Variants in ZDHHC20 observed in about 807,000 individuals in gnomAD.
ZDHHC20 encodes palmitoyltransferase ZDHHC20.
In ZDHHC20, 43 loss-of-function variants were observed where a neutral mutation model predicts 57.8. The observed-to-expected ratio is 0.74, with a 90% confidence interval of 0.58 to 0.96. The LOEUF is 0.96. ZDHHC20 is among the 40% of genes least tolerant of loss of function. ZDHHC20 has a pLI of 0.00. For missense variants in ZDHHC20, 391 were observed against 441.1 expected, an observed-to-expected ratio of 0.89 and a Z score of 1.02; for synonymous variants, 157 against 153.0, an observed-to-expected ratio of 1.03 and a Z score of -0.19.
chr13:21,443,759 G>A (rs975427904), intron 1 of ZDHHC20, among the ~76,000 whole-genome samples: 12 of 152,194 alleles, frequency 7.9e-5, no homozygotes, highest in African/African-American at 2.7e-4. Flanking sequence ...ACCATTTCCT[G>A]GGGTCCTTCA....
chr13:21,437,488 G>A (rs893890906), intron 1 of ZDHHC20, among the ~76,000 whole-genome samples: 2 of 152,180 alleles, frequency 1.3e-5, no homozygotes, highest in Non-Finnish European at 2.9e-5. Context: ...GCCAGAGAGA[G>A]GAAGTCAATG....
rs570888990 is a variant in ZDHHC20 at position 21,440,054 on chromosome 13, A to G, written c.119-14376T>C. On this transcript the variant is annotated intron_variant, in intron 1 of 12. Coordinates refer to ENST00000400590, the MANE Select transcript of ZDHHC20 (RefSeq NM_001330059.2). The stretch of plus-strand genomic sequence containing the variant: ...GGCACTCCAGCCTGGGCGACAGAGT[A>G]AGACTGTTTCTCAGAAAAAAAAAAA... Among the ~76,000 whole-genome samples, 31 of 132,678 alleles carry G rather than the reference A, an allele frequency of 2.3e-4. 1 individual carries two copies. The East Asian group carries it at 6.6e-3, about 28-fold the overall frequency. The allele number at this position is 132,678 out of a possible 152,430, so 87.0% of individuals were successfully genotyped here. A position where few individuals can be genotyped will look rare whatever the true frequency, so the allele number is the denominator to read the frequency against.
chr13:21,439,758 T>A (rs1177713732), intron 1 of ZDHHC20, among the ~76,000 whole-genome samples: 4 of 152,072 alleles, frequency 2.6e-5, no homozygotes, highest in Non-Finnish European at 5.9e-5. Flanking sequence ...TTTTAATAAC[T>A]GCACTCTGGT....
chr13:21,413,520 G>T, intron 4 of ZDHHC20, 132 bp downstream of exon 4: 1 of 714,768 alleles, frequency 1.4e-6, no homozygotes, highest in Non-Finnish European at 2.0e-6. Context: ...AAACAGGAAA[G>T]TCTTGTTGCT....
chr13:21,380,247 CT>C (rs1338313084), intron 11 of ZDHHC20, among the ~76,000 whole-genome samples: 1 of 151,844 alleles, frequency 6.6e-6, no homozygotes, highest in Admixed American at 6.6e-5. Flanking sequence ...TCCCGAGTAG[CT>C]GGGATTACAG....
At chr13:21,397,073 T>A (rs981418353) in intron 7 of ZDHHC20, among the ~76,000 whole-genome samples, 3 of 152,198 alleles carry the variant, frequency 2.0e-5, no homozygotes, top group African/African-American at 7.2e-5. Flanking sequence ...TCTTTTCTTT[T>A]ATGGTGATTG....
At chr13:21,446,723 T>G (rs1164274851) in intron 1 of ZDHHC20, among the ~76,000 whole-genome samples, 1 of 152,212 alleles carries the variant, frequency 6.6e-6, no homozygotes, top group Non-Finnish European at 1.5e-5. Flanking sequence ...TTGAGCAGTA[T>G]CTAAATGTGT....
chr13:21,404,023 G>T (rs954492983), intron 4 of ZDHHC20, among the ~76,000 whole-genome samples: 9 of 152,292 alleles, frequency 5.9e-5, no homozygotes, highest in Admixed American at 5.2e-4. Flanking sequence ...AATGGACCCT[G>T]AGGTGTGAGT....
At chr13:21,386,935 T>C (rs1041405263) in intron 9 of ZDHHC20, among the ~76,000 whole-genome samples, 1 of 152,194 alleles carries the variant, frequency 6.6e-6, no homozygotes. Flanking sequence ...GGCAATTCAG[T>C]TAATCTAGGG....
chr13:21,399,377 A>C (rs1308117742), intron 7 of ZDHHC20, among the ~76,000 whole-genome samples: 2 of 151,850 alleles, frequency 1.3e-5, no homozygotes, highest in Non-Finnish European at 1.5e-5. Context: ...AAATAAAAAT[A>C]AAATAAAATA....
intron 4 of ZDHHC20, among the ~76,000 whole-genome samples, chr13:21,407,904 G>A (rs1325281362): frequency 2.0e-5 from 3 of 152,122 alleles, no homozygotes; most frequent in African/African-American, 7.2e-5. Flanking sequence ...GTTTTTGTCA[G>A]GTTTGTCAAA....
intron 1 of ZDHHC20, among the ~76,000 whole-genome samples, chr13:21,455,615 T>C (rs1210839132): frequency 6.7e-6 from 1 of 150,096 alleles, no homozygotes; most frequent in Non-Finnish European, 1.5e-5. Context: ...TTGTCCTCAG[T>C]ATTACTCCCA....
rs1874774645 is a variant in ZDHHC20 at position 21,387,510 on chromosome 13, TGAAAATATTG to T, written c.842_851del (p.Pro281GlnfsTer76). ...GAGACCCACATTTTATAAATTACCT[TGAAAATATTG>T]GAAGTAGCCAATATTTCTTTTCATC... On this transcript the variant is annotated frameshift_variant, in exon 9 of 13. Coordinates refer to ENST00000400590, the MANE Select transcript of ZDHHC20 (RefSeq NM_001330059.2). LOFTEE classifies it high-confidence loss of function. 1.3e-6 allele frequency: 2 copies of T among 1,520,616 alleles called. No individual in the cohort carries two copies. The highest frequency in any genetic ancestry group is 1.8e-6 in the Non-Finnish European group (2 of 1,131,852). 94.2% of individuals were successfully genotyped at this position (1,520,616 alleles called of 1,614,324 possible).
chr13:21,378,707 T>G lies in ZDHHC20; in HGVS notation c.1092A>C (p.Glu364Asp). Residue 364 changes from glutamate to aspartate, a missense_variant, in exon 12 of 13, where the codon GAA (glutamate) becomes GAC (aspartate). Glu to Asp is a conservative substitution (Grantham distance 45). Around this residue, in one of 3 missense-constraint regions of ZDHHC20, gnomAD observed 197 missense variants for 220.8 expected, o/e 0.89. Coordinates refer to ENST00000400590, the MANE Select transcript of ZDHHC20 (RefSeq NM_001330059.2). ...GTNNHVTVAI[E>D]N ...AGTTATGAACAAGTGGTACTCAATT[T>G]TCTATTGCCACTGTTACATGGTTAT... 6.8e-7 allele frequency: 1 copy of G among 1,475,046 alleles called. No individual in the cohort carries two copies. Among genetic ancestry groups the G allele is most frequent in the Non-Finnish European group, 9.0e-7 (1 of 1,105,448 alleles). The allele number at this position is 1,475,046 out of a possible 1,614,324, so 91.4% of individuals were successfully genotyped here.
At chr13:21,413,598 G>T in intron 4 of ZDHHC20, 54 bp downstream of exon 4, 1 of 1,511,490 alleles carries the variant, frequency 6.6e-7, no homozygotes, top group Non-Finnish European at 8.9e-7. Context: ...ATCCTGGCAG[G>T]AATAAGCATA....
chr13:21,459,216 A>T lies in ZDHHC20; in HGVS notation c.-45T>A. Reference sequence around the variant, plus strand: ...AGCCCCGCGTCCCACCGTTCTGGGGAGCGCGGGAGCCCCGGCGACGGTGAC... The same window carrying T: ...AGCCCCGCGTCCCACCGTTCTGGGGTGCGCGGGAGCCCCGGCGACGGTGAC... On this transcript the variant is annotated 5_prime_UTR_variant, in exon 1 of 13. Transcript: ENST00000400590. 4 of 1,483,812 alleles carry T rather than the reference A, an allele frequency of 2.7e-6. No individual in the cohort carries two copies. The South Asian group carries it at 4.9e-5, about 18-fold the overall frequency. The allele number at this position is 1,483,812 out of a possible 1,614,324, so 91.9% of individuals were successfully genotyped here.
At chr13:21,417,889 C>A (rs1017924977) in intron 3 of ZDHHC20, among the ~76,000 whole-genome samples, 1 of 152,164 alleles carries the variant, frequency 6.6e-6, no homozygotes, top group Non-Finnish European at 1.5e-5. Flanking sequence ...ATCCTCCTAA[C>A]AAAGCTGTGA....
At chr13:21,435,520 T>G (rs1018604597) in intron 1 of ZDHHC20, among the ~76,000 whole-genome samples, 1 of 152,166 alleles carries the variant, frequency 6.6e-6, no homozygotes. Context: ...TGGGACAAAT[T>G]GAACAATAAA....
In ZDHHC20 at chr13:21,387,627, G is replaced by A. The variant is rs765894658; in HGVS notation, c.735C>T (p.Phe245=). ...VGKNRTTIES[F]RAPTFSYGPD... is the part of the protein sequence containing the mutation. ...GTCCGTATGAAAACGTGGGTGCGCGGAATGATTCTGTTAAATATACATACA... is the reference window on the plus strand; with the variant it reads ...GTCCGTATGAAAACGTGGGTGCGCGAAATGATTCTGTTAAATATACATACA... The change falls in exon 9 of 13, where the codon TTC becomes TTT. Residue 245 remains phenylalanine, a synonymous_variant. Coordinates refer to ENST00000400590, the MANE Select transcript of ZDHHC20 (RefSeq NM_001330059.2). The A allele has an allele frequency of 1.3e-5, 19 of 1,454,234 alleles. No homozygotes were observed. Among genetic ancestry groups the A allele is most frequent in the Non-Finnish European group, 1.7e-5 (19 of 1,097,712 alleles). The allele number at this position is 1,454,234 out of a possible 1,614,324, so 90.1% of individuals were successfully genotyped here. A position where few individuals can be genotyped will look rare whatever the true frequency, so the allele number is the denominator to read the frequency against.
Sources: gnomAD v4.1 joint callset for allele counts (sites outside exome capture counted in the v4.1 genomes callset) on GRCh38, gnomAD v4.1.1 for gene constraint, gnomAD v4.1.1 regional missense constraint, MANE v1.5 for transcripts, NCBI Gene and HGNC (gene_info 2026-07-23, HGNC 2026-07-21) for gene names.